The following TNS3 variants were observed in gnomAD, a reference collection of about 807,000 sequenced individuals.
TNS3 encodes tensin 3, also known as tensin-3.
TNS3 carries 45 observed loss-of-function variants against 140.9 expected under a neutral mutation model. That is an observed-to-expected ratio of 0.32 (90% CI 0.25 to 0.41). The LOEUF (loss-of-function observed/expected upper bound fraction) is 0.41. TNS3 is among the 10% of genes least tolerant of loss of function. The pLI, the probability that TNS3 is intolerant of heterozygous loss-of-function variation, is 1.00. For synonymous variants in TNS3, 815 were observed against 788.4 expected, an observed-to-expected ratio of 1.03 and a Z score of -0.56; for missense variants, 1,716 against 1,906.7, an observed-to-expected ratio of 0.90 and a Z score of 1.86.
chr7:47,312,291 G>A (rs1253829289), intron 20 of TNS3, among the ~76,000 whole-genome samples: 2 of 152,196 alleles, frequency 1.3e-5, no homozygotes, highest in Non-Finnish European at 2.9e-5. Context: ...TTAAAGCTGG[G>A]ATAGAAAAAC....
chr7:47,302,327 C>T (rs954668532), intron 22 of TNS3, 55 bp from the exon 23 acceptor site: 2 of 1,382,510 alleles, frequency 1.4e-6, no homozygotes, highest in Non-Finnish European at 1.0e-6. Context: ...CTTCTTGCAA[C>T]CTCTCATCTG....
chr7:47,557,717 A>AG (rs1214373627), intron 1 of TNS3, among the ~76,000 whole-genome samples: 1 of 152,192 alleles, frequency 6.6e-6, no homozygotes, highest in Non-Finnish European at 1.5e-5. Context: ...ATGTGAGGAC[A>AG]TTTTAACCAT....
intron 5 of TNS3, among the ~76,000 whole-genome samples, chr7:47,440,570 G>A (rs981868526): frequency 6.6e-6 from 1 of 152,170 alleles, no homozygotes; most frequent in Non-Finnish European, 1.5e-5. Context: ...TGTGGAGTCA[G>A]GCACCCAATG....
intron 1 of TNS3, among the ~76,000 whole-genome samples, chr7:47,542,068 G>A (rs1799803610): frequency 6.6e-6 from 1 of 152,052 alleles, no homozygotes; most frequent in African/African-American, 2.4e-5. Flanking sequence ...GGGAGACTCG[G>A]GAGTTATGTG....
At chr7:47,520,059 T>C (rs2151915787) in intron 2 of TNS3, among the ~76,000 whole-genome samples, 1 of 151,950 alleles carries the variant, frequency 6.6e-6, no homozygotes, top group Middle Eastern at 3.4e-3. Flanking sequence ...TCTCCTGACC[T>C]CGTGATCCGC....
intron 3 of TNS3, among the ~76,000 whole-genome samples, chr7:47,493,567 C>G (rs1797890799): frequency 6.6e-6 from 1 of 151,794 alleles, no homozygotes; most frequent in Non-Finnish European, 1.5e-5. Flanking sequence ...ACCTGTAATC[C>G]CAGCACTTTG....
intron 4 of TNS3, among the ~76,000 whole-genome samples, chr7:47,473,490 C>T (rs117183632): frequency 0.013 from 2,025 of 152,324 alleles, 23 homozygotes; most frequent in Middle Eastern, 0.041. Context: ...AGCACGCACA[C>T]ATACACGTGT....
intron 16 of TNS3, among the ~76,000 whole-genome samples, chr7:47,380,617 C>A (rs1791695765): frequency 6.6e-6 from 1 of 152,210 alleles, no homozygotes; most frequent in African/African-American, 2.4e-5. Flanking sequence ...CTGGCTAGTA[C>A]CAGCTCTTTT....
chr7:47,578,867 C>T (rs1250116926), intron 1 of TNS3, among the ~76,000 whole-genome samples: 1 of 152,230 alleles, frequency 6.6e-6, no homozygotes, highest in Admixed American at 6.5e-5. Context: ...CACGGGCCTG[C>T]ATCCGGATTC....
At chr7:47,418,684 G>A (rs1420435780) in intron 10 of TNS3, among the ~76,000 whole-genome samples, 2 of 152,134 alleles carry the variant, frequency 1.3e-5, no homozygotes, top group Non-Finnish European at 2.9e-5. Flanking sequence ...AAAACTAAAG[G>A]ATTGTTTTTA....
chr7:47,351,069 T>C (rs1200772954), intron 17 of TNS3, among the ~76,000 whole-genome samples: 1 of 152,256 alleles, frequency 6.6e-6, no homozygotes, highest in Non-Finnish European at 1.5e-5. Context: ...GCCAGTAATA[T>C]GTATTACTTT....
intron 23 of TNS3, among the ~76,000 whole-genome samples, chr7:47,300,207 A>T (rs1271102906): frequency 6.6e-6 from 1 of 152,220 alleles, no homozygotes; most frequent in Non-Finnish European, 1.5e-5. Flanking sequence ...ACCCAAGGGC[A>T]GCCTTCCGCT....
chr7:47,299,339 T>C (rs1454696826), intron 23 of TNS3, among the ~76,000 whole-genome samples: 2 of 151,814 alleles, frequency 1.3e-5, no homozygotes, highest in African/African-American at 4.8e-5. Context: ...TGGGTCTCAC[T>C]ATGTTGCCCA....
intron 16 of TNS3, among the ~76,000 whole-genome samples, chr7:47,386,698 G>A (rs1009121512): frequency 1.4e-4 from 22 of 152,216 alleles, no homozygotes; most frequent in African/African-American, 5.3e-4. Flanking sequence ...GTGTCCACAG[G>A]GGGAAAGGAG....
At chr7:47,398,285 A>T (rs1414534547) in intron 15 of TNS3, among the ~76,000 whole-genome samples, 2 of 152,200 alleles carry the variant, frequency 1.3e-5, no homozygotes, top group African/African-American at 4.8e-5. Context: ...ACTGAGAAAG[A>T]GGAATTGTCC....
intron 1 of TNS3, among the ~76,000 whole-genome samples, chr7:47,556,532 A>G (rs888004134): frequency 7.2e-5 from 11 of 152,124 alleles, no homozygotes; most frequent in African/African-American, 2.4e-4. Context: ...AGGGCCCCAC[A>G]TCCCTTAGGC....
chr7:47,356,493 T>G (rs66825525), intron 17 of TNS3, among the ~76,000 whole-genome samples: 16,821 of 152,120 alleles, frequency 0.11, 976 homozygotes, highest in South Asian at 0.15. Context: ...TACCCACATT[T>G]TTAGCGTCTG....
At chr7:47,410,496 A>C (rs1793706023) in intron 13 of TNS3, among the ~76,000 whole-genome samples, 1 of 152,178 alleles carries the variant, frequency 6.6e-6, no homozygotes, top group African/African-American at 2.4e-5. Flanking sequence ...AACAGGACAG[A>C]CCTGGAGGCC....
intron 17 of TNS3, among the ~76,000 whole-genome samples, chr7:47,363,305 T>C (rs910495808): frequency 6.6e-6 from 1 of 151,992 alleles, no homozygotes; most frequent in African/African-American, 2.4e-5. Flanking sequence ...ATCACCATCA[T>C]CATCACCATC....
Sources: gnomAD v4.1 joint callset for allele counts (sites outside exome capture counted in the v4.1 genomes callset) on GRCh38, gnomAD v4.1.1 for gene constraint, MANE v1.5 for transcripts, NCBI Gene and HGNC (gene_info 2026-07-23, HGNC 2026-07-21) for gene names.